Variants in DTHD1 observed in about 807,000 individuals in gnomAD.
DTHD1 encodes death domain containing 1, also known as death domain-containing protein 1.
In DTHD1, 59 loss-of-function variants were observed where a neutral mutation model predicts 74.8. The observed-to-expected ratio is 0.79, with a 90% CI of 0.64 to 0.98. The LOEUF is 0.98. Ranked by LOEUF, DTHD1 falls within the 50% of genes least tolerant of loss-of-function variation. The pLI, the probability that DTHD1 is intolerant of heterozygous loss-of-function variation, is 0.00. For missense variants in DTHD1, 1,051 were observed against 1,065.4 expected (o/e 0.99, Z 0.19); for synonymous variants, 365 against 371.1 (o/e 0.98, Z 0.19).
At chr4:36,296,944 C>A (rs80117674) in intron 5 of DTHD1, among the ~76,000 whole-genome samples, 3 of 151,808 alleles carry the variant, frequency 2.0e-5, no homozygotes, top group Non-Finnish European at 4.4e-5. Context: ...AAAGCCTTAC[C>A]AATGATATAA....
At chr4:36,329,330 T>G (rs976763041) in intron 8 of DTHD1, among the ~76,000 whole-genome samples, 1 of 152,220 alleles carries the variant, frequency 6.6e-6, no homozygotes. Context: ...GAAGCTGGCT[T>G]CCTCAGCCAT....
chr4:36,328,177 A>C (rs16992073), intron 8 of DTHD1, among the ~76,000 whole-genome samples: 35,988 of 152,162 alleles, frequency 0.24, 4,678 homozygotes, highest in Admixed American at 0.3. Flanking sequence ...TTTGTTTCCA[A>C]ATCGAATTTC....
chr4:36,315,431 A>G (rs565115252), intron 7 of DTHD1, among the ~76,000 whole-genome samples: 84 of 152,350 alleles, frequency 5.5e-4, no homozygotes, highest in African/African-American at 1.8e-3. Flanking sequence ...TGTGCTGTTC[A>G]TTACGGTAGC....
chr4:36,322,119 A>G (rs769600715), intron 8 of DTHD1, among the ~76,000 whole-genome samples: 74 of 151,036 alleles, frequency 4.9e-4, no homozygotes, highest in Admixed American at 1.1e-3. Flanking sequence ...AATCTGCCCT[A>G]TTTTTTCCCT....
intron 6 of DTHD1, among the ~76,000 whole-genome samples, chr4:36,307,910 A>G (rs1757151525): frequency 6.6e-6 from 1 of 151,950 alleles, no homozygotes; most frequent in Admixed American, 6.6e-5. Flanking sequence ...GAGTTTTGCC[A>G]TGTTGCCCAG....
chr4:36,332,473 G>C (rs953039343), intron 8 of DTHD1, among the ~76,000 whole-genome samples: 9 of 152,172 alleles, frequency 5.9e-5, no homozygotes, highest in African/African-American at 1.9e-4. Flanking sequence ...AAGGCACTAT[G>C]ATGATGGGAT....
chr4:36,327,953 G>A (rs1184899680), intron 8 of DTHD1, among the ~76,000 whole-genome samples: 1 of 152,134 alleles, frequency 6.6e-6, no homozygotes, highest in Admixed American at 6.6e-5. Flanking sequence ...ATCAAGGACT[G>A]AGAAATTTAT....
chr4:36,306,749 G>A (rs1757078578), intron 6 of DTHD1, among the ~76,000 whole-genome samples: 1 of 152,186 alleles, frequency 6.6e-6, no homozygotes, highest in South Asian at 2.1e-4. Context: ...TTTCTAGACA[G>A]CCCATTATGA....
Position 36,345,414 on chromosome 4 carries a change from A to G in DTHD1, c.*1590A>G, listed in dbSNP as rs1759537693. On this transcript the variant is annotated 3_prime_UTR_variant, in exon 10 of 10. Coordinates refer to ENST00000639862, the MANE Select transcript of DTHD1 (RefSeq NM_001170700.3). Reference sequence around the variant, plus strand: ...ACCATTAGGTCGTTGGCTTGAAAACATCGGTAGCAATTAGTTTCAGTTATT... The same window carrying G: ...ACCATTAGGTCGTTGGCTTGAAAACGTCGGTAGCAATTAGTTTCAGTTATT... 1 of 152,206 alleles carries G rather than the reference A, an allele frequency of 6.6e-6. No homozygotes were observed. Among genetic ancestry groups the G allele is most frequent in the African/African-American group, 2.4e-5 (1 of 41,456 alleles). 9.4% of individuals were successfully genotyped at this position (152,206 alleles called of 1,614,324 possible).
rs929084274 is a variant in DTHD1, at chr4:36,345,972, G to A, written c.*2148G>A. The stretch of plus-strand genomic sequence containing the variant: ...CACAAATGCACCCTCAAACACACAG[G>A]CCTACCCTTTATCAGCACTGTTTCG... On this transcript the variant is annotated 3_prime_UTR_variant, in exon 10 of 10. Transcript: ENST00000639862. Among the ~76,000 whole-genome samples, 5 of 151,614 alleles carry A rather than the reference G, an allele frequency of 3.3e-5. No homozygotes were observed. Among genetic ancestry groups the A allele is most frequent in the African/African-American group, 1.2e-4 (5 of 41,228 alleles).
In DTHD1 at chr4:36,316,278, T is replaced by C. The variant is rs1223750814; in HGVS notation, c.2132T>C (p.Ile711Thr). ...GKDYGKDYTL[I>T]FHLQRKPRLE... The stretch of plus-strand genomic sequence containing the variant: ...GATTATGGAAAAGACTACACACTTA[T>C]TTTTCACTTGCAAAGAAAACCTAGG... Residue 711 changes from isoleucine (I) to threonine (T), a missense_variant, in exon 8 of 10, where the codon ATT (isoleucine) becomes ACT (threonine). Physicochemically the swap from Ile to Thr is moderately conservative, Grantham distance 89. Transcript: ENST00000639862. The C allele has an allele frequency of 6.4e-7, 1 of 1,551,718 alleles. No individual in the cohort carries two copies. The highest frequency in any genetic ancestry group is 8.7e-7 in the Non-Finnish European group (1 of 1,146,970).
intron 7 of DTHD1, among the ~76,000 whole-genome samples, chr4:36,312,522 C>A (rs374080828): frequency 6.6e-6 from 1 of 150,786 alleles, no homozygotes; most frequent in African/African-American, 2.4e-5. Context: ...GATAGGGGGA[C>A]CTTAAAGGGT....
intron 8 of DTHD1, among the ~76,000 whole-genome samples, chr4:36,327,510 T>C (rs1341588169): frequency 6.6e-6 from 1 of 152,216 alleles, no homozygotes; most frequent in Non-Finnish European, 1.5e-5. Flanking sequence ...GCTGCATTTA[T>C]GGGTCAAGGA....
intron 9 of DTHD1, among the ~76,000 whole-genome samples, chr4:36,341,713 A>C (rs1759322350): frequency 6.6e-6 from 1 of 152,210 alleles, no homozygotes; most frequent in Non-Finnish European, 1.5e-5. Context: ...TGACAAACTG[A>C]GAAAAATGAA....
At chr4:36,298,827 T>A (rs1756593647) in intron 5 of DTHD1, among the ~76,000 whole-genome samples, 1 of 152,138 alleles carries the variant, frequency 6.6e-6, no homozygotes, top group Non-Finnish European at 1.5e-5. Context: ...TTTTAGAGAG[T>A]TAGACAGGAA....
chr4:36,328,477 TGTGTCCAC>T (rs1414229180), intron 8 of DTHD1, among the ~76,000 whole-genome samples: 1 of 152,074 alleles, frequency 6.6e-6, no homozygotes. Flanking sequence ...ACCGTGTGTG[TGTGTCCAC>T]GTGTGCATGC....
rs562368344 is a variant in DTHD1 at position 36,299,991 on chromosome 4, C to A, written c.1643+4952C>A. Among the ~76,000 whole-genome samples the A allele has an allele frequency of 4.6e-5, 7 of 152,138 alleles. No homozygotes were observed. In the East Asian group the frequency reaches 9.7e-4, roughly 21 times the overall value. On this transcript the variant is annotated intron_variant, in intron 5 of 9. Coordinates refer to ENST00000639862, the MANE Select transcript of DTHD1 (RefSeq NM_001170700.3). ...TCTAAAAAAAAAGTTCTACTTGGCC[C>A]TTATTTAAATCTCCCTAATTATCTT...
At chr4:36,298,478 G>C (rs1578446534) in intron 5 of DTHD1, among the ~76,000 whole-genome samples, 1 of 152,174 alleles carries the variant, frequency 6.6e-6, no homozygotes, top group South Asian at 2.1e-4. Context: ...TTTCCATCTA[G>C]TGGAGCATAA....
At chr4:36,308,030 T>G (rs1757158602) in intron 6 of DTHD1, among the ~76,000 whole-genome samples, 174 bp from the exon 7 acceptor site, 1 of 152,242 alleles carries the variant, frequency 6.6e-6, no homozygotes, top group Admixed American at 6.5e-5. Context: ...GCTGGTTTCT[T>G]GATGGCCAAG....
Sources: gnomAD v4.1 joint callset for allele counts (sites outside exome capture counted in the v4.1 genomes callset) on GRCh38, gnomAD v4.1.1 for gene constraint, MANE v1.5 for transcripts, NCBI Gene and HGNC (gene_info 2026-07-23, HGNC 2026-07-21) for gene names.